The following GALNT8 variants were observed in gnomAD, a reference collection of about 807,000 sequenced individuals.
The protein encoded by GALNT8 is probable polypeptide N-acetylgalactosaminyltransferase 8.
A neutral mutation model predicts 62.7 loss-of-function variants in GALNT8; 66 were observed. That is an observed-to-expected ratio of 1.05 (90% CI 0.86 to 1.29). GALNT8 has a LOEUF of 1.29. Ranked by LOEUF, GALNT8 falls within the 50% of genes most tolerant of loss-of-function variation. The pLI is 0.00. For missense variants in GALNT8, 771 were observed against 791.8 expected (o/e 0.97, Z 0.32); for synonymous variants, 288 against 294.3 (o/e 0.98, Z 0.22).
chr12:4,724,653 A>G (rs144446630), intron 1 of GALNT8, among the ~76,000 whole-genome samples: 4 of 152,292 alleles, frequency 2.6e-5, no homozygotes, highest in African/African-American at 9.6e-5. Context: ...TCTTTTTTCT[A>G]CCTGAACAAG....
intron 2 of GALNT8, among the ~76,000 whole-genome samples, chr12:4,729,235 T>G (rs1339072461): frequency 6.6e-6 from 1 of 152,182 alleles, no homozygotes; most frequent in Non-Finnish European, 1.5e-5. Flanking sequence ...CTAATATATA[T>G]CTAAATTAAC....
At chr12:4,737,297 A>T (rs1054922966) in intron 2 of GALNT8, among the ~76,000 whole-genome samples, 2 of 152,230 alleles carry the variant, frequency 1.3e-5, no homozygotes, top group Admixed American at 6.5e-5. Context: ...AAACCCTGGG[A>T]ACCAGTGCTA....
intron 6 of GALNT8, 50 bp from the exon 7 acceptor site, chr12:4,760,908 G>A (rs780137035): frequency 6.8e-7 from 1 of 1,474,264 alleles, no homozygotes; most frequent in Non-Finnish European, 9.5e-7. Flanking sequence ...AATAAGCTAT[G>A]CAATTCATTG....
chr12:4,738,652 G>A lies in GALNT8; in HGVS notation c.510-511G>A, dbSNP rs991502251. Among the ~76,000 whole-genome samples the A allele has an allele frequency of 3.3e-5, 5 of 152,132 alleles. No individual in the cohort carries two copies. The East Asian group carries it at 5.8e-4, about 18-fold the overall frequency. ...ACCTTGATTATGATATTGTGGGTGC[G>A]TGCCTATGTGCAGTTTGTATATATC... On this transcript the variant is annotated intron_variant, in intron 2 of 10. Transcript: ENST00000252318.
chr12:4,738,234 A>G (rs1375372234), intron 2 of GALNT8, among the ~76,000 whole-genome samples: 1 of 152,226 alleles, frequency 6.6e-6, no homozygotes. Context: ...GCAAAATAAT[A>G]AAGTTGGATC....
intron 2 of GALNT8, among the ~76,000 whole-genome samples, chr12:4,734,482 C>T (rs578075816): frequency 6.6e-6 from 1 of 152,262 alleles, no homozygotes; most frequent in African/African-American, 2.4e-5. Flanking sequence ...GCCCCTTCAA[C>T]TTCCACCTGC....
intron 6 of GALNT8, among the ~76,000 whole-genome samples, chr12:4,754,696 G>A (rs1946336726): frequency 6.6e-6 from 1 of 151,966 alleles, no homozygotes; most frequent in Middle Eastern, 3.4e-3. Context: ...ACCCACCTGT[G>A]GCCGAGCTGG....
rs534399055 is a variant in GALNT8 at position 4,767,435 on chromosome 12, G to C, written c.1761+1889G>C. 1.0e-3 allele frequency among the ~76,000 whole-genome samples: 156 copies of C among 152,340 alleles called. 1 individual carries two copies. Among genetic ancestry groups the C allele is most frequent in the African/African-American group, 3.5e-3 (147 of 41,580 alleles). Reference sequence around the variant, plus strand: ...AGGCCTGGAGATATTAGCTTGAAAGGCTTGTTAGGCTTATGGATAGAGAAA... The same window carrying C: ...AGGCCTGGAGATATTAGCTTGAAAGCCTTGTTAGGCTTATGGATAGAGAAA... On this transcript the variant is annotated intron_variant, in intron 10 of 10. Coordinates refer to ENST00000252318, the MANE Select transcript of GALNT8 (RefSeq NM_017417.2).
intron 2 of GALNT8, among the ~76,000 whole-genome samples, chr12:4,729,934 G>T (rs1370863399): frequency 6.6e-6 from 1 of 152,146 alleles, no homozygotes; most frequent in African/African-American, 2.4e-5. Flanking sequence ...AGGGTGAGAT[G>T]ATAGTGCAAT....
intron 4 of GALNT8, 109 bp downstream of exon 4, chr12:4,744,809 C>G: frequency 2.9e-6 from 2 of 699,468 alleles, no homozygotes; most frequent in South Asian, 4.4e-5. Flanking sequence ...AGCACCAGGC[C>G]TTAAATAAAG....
In GALNT8 at chr12:4,744,498, G is replaced by A; in HGVS notation, c.677-19G>A. The A allele has an allele frequency of 6.4e-7, 1 of 1,567,366 alleles. No homozygotes were observed. The highest frequency in any genetic ancestry group is 8.7e-7 in the Non-Finnish European group (1 of 1,146,628). ...ATTGTTGCACTCAGAATTTCTATAG[G>A]TGTGCACTTGATTGACAGGAGAACT... On this transcript the variant is annotated intron_variant, in intron 3 of 10. Coordinates refer to ENST00000252318, the MANE Select transcript of GALNT8 (RefSeq NM_017417.2).
intron 6 of GALNT8, among the ~76,000 whole-genome samples, chr12:4,754,036 G>T (rs1299693721): frequency 6.6e-6 from 1 of 152,152 alleles, no homozygotes; most frequent in Non-Finnish European, 1.5e-5. Context: ...CCAAACAAAT[G>T]GAGTCTATCT....
intron 3 of GALNT8, among the ~76,000 whole-genome samples, chr12:4,740,723 C>G (rs1946268397): frequency 6.6e-6 from 1 of 152,162 alleles, no homozygotes; most frequent in South Asian, 2.1e-4. Context: ...AGTGCCCAGC[C>G]ATGTTAACTA....
rs773064917 is a variant in GALNT8 at position 4,760,944 on chromosome 12, G to A, written c.1174-14G>A. On this transcript the variant is annotated splice_polypyrimidine_tract_variant and intron_variant, in intron 6 of 10. Coordinates refer to ENST00000252318, the MANE Select transcript of GALNT8 (RefSeq NM_017417.2). ...GCTGTGAAGCACGGGTGATTTTTTG[G>A]TCTTCTTCTGCAGGTGTGGCAGTGT... 2.5e-6 allele frequency: 4 copies of A among 1,609,544 alleles called. No homozygotes were observed. The Admixed American group carries it at 5.1e-5, about 20-fold the overall frequency.
At chr12:4,770,288 C>T (rs895749105) in intron 10 of GALNT8, among the ~76,000 whole-genome samples, 1 of 147,818 alleles carries the variant, frequency 6.8e-6, no homozygotes, top group Non-Finnish European at 1.5e-5. Flanking sequence ...GACAACAGAG[C>T]GAGACTGTGT....
intron 6 of GALNT8, among the ~76,000 whole-genome samples, chr12:4,756,382 C>T (rs1055418985): frequency 1.3e-5 from 2 of 152,114 alleles, no homozygotes; most frequent in Admixed American, 6.5e-5. Flanking sequence ...ACATACAAGC[C>T]CTCTAAGCCA....
chr12:4,723,917 G>A (rs527386453), intron 1 of GALNT8, among the ~76,000 whole-genome samples: 50 of 152,038 alleles, frequency 3.3e-4, no homozygotes, highest in Non-Finnish European at 5.6e-4. Flanking sequence ...TTGGAAGGCC[G>A]AGGCGGGTGG....
chr12:4,731,651 C>A (rs894853578), intron 2 of GALNT8, among the ~76,000 whole-genome samples: 1 of 151,996 alleles, frequency 6.6e-6, no homozygotes, highest in Admixed American at 6.6e-5. Context: ...ATTGAAGGTA[C>A]AATTCTTCTA....
At chr12:4,756,134 G>A (rs1352113822) in intron 6 of GALNT8, among the ~76,000 whole-genome samples, 2 of 152,162 alleles carry the variant, frequency 1.3e-5, no homozygotes, top group African/African-American at 2.4e-5. Flanking sequence ...GAGATTTTGT[G>A]GATAAAATAT....
Sources: allele counts gnomAD v4.1 joint callset (sites outside exome capture counted in the v4.1 genomes callset), GRCh38; gene constraint gnomAD v4.1.1; transcripts MANE v1.5; gene names NCBI Gene and HGNC (gene_info 2026-07-23, HGNC 2026-07-21).